The following GTPBP4 variants were observed in gnomAD, a reference collection of about 807,000 sequenced individuals.
GTPBP4 encodes the protein GTP binding protein 4.
In GTPBP4, 15 loss-of-function variants were observed where a neutral mutation model predicts 81.7. The ratio of observed to expected loss-of-function variants is 0.18; its 90% CI spans 0.12 to 0.28. The LOEUF is 0.28. GTPBP4 is among the 10% of genes least tolerant of loss of function. GTPBP4 has a pLI of 1.00. For synonymous variants in GTPBP4, 272 were observed against 274.6 expected (o/e 0.99, Z 0.09); for missense variants, 847 against 793.8 (o/e 1.07, Z -0.81).
In GTPBP4 at chr10:1,019,547, A is replaced by G. The variant is rs773751824; in HGVS notation, c.*2320A>G. 1.9e-6 allele frequency: 3 copies of G among 1,613,582 alleles called. No homozygotes were observed. Among genetic ancestry groups the G allele is most frequent in the Non-Finnish European group, 2.5e-6 (3 of 1,179,700 alleles). On this transcript the variant is annotated 3_prime_UTR_variant, in exon 17 of 17. Coordinates refer to ENST00000360803, the MANE Select transcript of GTPBP4 (RefSeq NM_012341.3). ...CTCTGTGTATTTTGTGAAGCTCCAC[A>G]AACGGGGTCACGTCATCCAGGTGAG... is the stretch of plus-strand genomic sequence containing the variant.
At chr10:997,400 T>A (rs1254668240) in intron 5 of GTPBP4, 92 bp downstream of exon 5, 3 of 800,792 alleles carry the variant, frequency 3.7e-6, no homozygotes, top group Non-Finnish European at 6.8e-6. Context: ...GATGGCCTTG[T>A]AGGTCAGTGT....
At chr10:1,006,771 G>A (rs916214886) in intron 9 of GTPBP4, among the ~76,000 whole-genome samples, 2 of 152,204 alleles carry the variant, frequency 1.3e-5, no homozygotes, top group African/African-American at 2.4e-5. Flanking sequence ...CCTCCGGTTC[G>A]TGAAGGGCAG....
chr10:1,007,100 T>G lies in GTPBP4; in HGVS notation c.1085T>G (p.Leu362Arg). ...KVNEVLNRLH[L>R]AIPTRRDDKE... is the part of the protein sequence containing the mutation. Reference sequence around the variant, plus strand: ...AATGAGGTGCTGAATAGACTGCACCTGGCTATCCCAACCAGGAGGGACGAT... The same window carrying G: ...AATGAGGTGCTGAATAGACTGCACCGGGCTATCCCAACCAGGAGGGACGAT... Residue 362 changes from leucine (L) to arginine (R), a missense_variant, in exon 10 of 17, where the codon CTG becomes CGG. Transcript: ENST00000360803. The G allele has an allele frequency of 6.2e-7, 1 of 1,608,064 alleles. No homozygotes were observed. The highest frequency in any genetic ancestry group is 8.5e-7 in the Non-Finnish European group (1 of 1,174,412).
intron 2 of GTPBP4, 106 bp downstream of exon 2, chr10:992,765 T>C: frequency 1.6e-6 from 1 of 639,302 alleles, no homozygotes; most frequent in Non-Finnish European, 2.7e-6. Flanking sequence ...AACAAAATAA[T>C]TGACTTAGGT....
In GTPBP4 at chr10:1,019,748, G is replaced by A. The variant is rs1484469917; in HGVS notation, c.*2521G>A. 13 of 1,613,968 alleles carry A rather than the reference G, an allele frequency of 8.1e-6. No homozygotes were observed. The highest frequency in any genetic ancestry group is 1.0e-5 in the Non-Finnish European group (12 of 1,179,982). On this transcript the variant is annotated 3_prime_UTR_variant, in exon 17 of 17. Coordinates refer to ENST00000360803, the MANE Select transcript of GTPBP4 (RefSeq NM_012341.3). ...TGACGTTTTTCCTCACAAGCAGAAG[G>A]TAACAAATTTCATGCTCTCCCCAAA...
intron 2 of GTPBP4, among the ~76,000 whole-genome samples, chr10:994,728 C>T (rs908435466): frequency 2.6e-5 from 4 of 152,156 alleles, no homozygotes; most frequent in Middle Eastern, 3.2e-3. Context: ...TAGGAGAGTT[C>T]AAATGTATTA....
chr10:1,007,260 C>T, intron 10 of GTPBP4, 132 bp downstream of exon 10: 1 of 611,932 alleles, frequency 1.6e-6, no homozygotes, highest in East Asian at 2.8e-5. Context: ...CTCAGTTTCA[C>T]CTTCTTGCTT....
rs1478484248 is a variant in GTPBP4 at position 1,007,119 on chromosome 10, G to A, written c.1104G>A (p.Arg368=). 3 of 1,570,736 alleles carry A rather than the reference G, an allele frequency of 1.9e-6. No homozygotes were observed. Among genetic ancestry groups the A allele is most frequent in the Admixed American group, 3.3e-5 (2 of 59,988 alleles). ...NRLHLAIPTR[R]DDKERPPFIP... is the part of the protein sequence containing the mutation. ...TGCACCTGGCTATCCCAACCAGGAG[G>A]GACGATAAGGTAAGACGGCCCCTGG... The change falls in exon 10 of 17, where the codon AGG becomes AGA. Residue 368 remains arginine, a synonymous_variant. Coordinates refer to ENST00000360803, the MANE Select transcript of GTPBP4 (RefSeq NM_012341.3).
At chr10:1,008,324 G>A in intron 10 of GTPBP4, 3 of 369,780 alleles carry the variant, frequency 8.1e-6, no homozygotes, top group Non-Finnish European at 1.1e-5. Context: ...AGAATCGTTT[G>A]AACCTGGGAG....
chr10:992,556 A>G lies in GTPBP4; in HGVS notation c.116A>G (p.Gln39Arg). The G allele has an allele frequency of 6.2e-7, 1 of 1,601,594 alleles. No individual in the cohort carries two copies. The highest frequency in any genetic ancestry group is 8.6e-7 in the Non-Finnish European group (1 of 1,168,664). The change falls in exon 2 of 17, where the codon CAA becomes CGA. Residue 39 changes from glutamine to arginine, a missense_variant. Around this residue, in one of 3 missense-constraint regions of GTPBP4, gnomAD observed 241 missense variants for 216.3 expected, o/e 1.11. Coordinates refer to ENST00000360803, the MANE Select transcript of GTPBP4 (RefSeq NM_012341.3). ...KTPTVIHKHY[Q>R]IHRIRHFYMR... Reference sequence around the variant, plus strand: ...CCAACCGTTATTCATAAACATTACCAAATACATCGCATTAGACATTTTTAC... The same window carrying G: ...CCAACCGTTATTCATAAACATTACCGAATACATCGCATTAGACATTTTTAC...
chr10:1,001,553 G>C (rs1831633070), intron 8 of GTPBP4, among the ~76,000 whole-genome samples: 1 of 152,192 alleles, frequency 6.6e-6, no homozygotes, highest in African/African-American at 2.4e-5. Context: ...TTAGAAGCGT[G>C]CACTGGTGGA....
chr10:995,635 T>A (rs1831524889), intron 2 of GTPBP4, among the ~76,000 whole-genome samples: 1 of 152,154 alleles, frequency 6.6e-6, no homozygotes. Flanking sequence ...TAGTGCTGAG[T>A]TCCTGAGCAA....
At chr10:990,475 C>T in intron 1 of GTPBP4, among the ~76,000 whole-genome samples, 1 of 152,122 alleles carries the variant, frequency 6.6e-6, no homozygotes. Context: ...GTAATCCCAG[C>T]ACTTTGGGAG....
intron 1 of GTPBP4, 199 bp downstream of exon 1, chr10:988,726 C>T (rs1054936630): frequency 1.7e-6 from 1 of 588,180 alleles, no homozygotes; most frequent in Admixed American, 3.0e-5. Context: ...GAGATCGGAT[C>T]CCCCAGAGAC....
rs764936049 is a variant in GTPBP4 at position 1,012,626 on chromosome 10, T to G, written c.1506T>G (p.Asn502Lys). The stretch of plus-strand genomic sequence containing the variant: ...AAATTCTGGAGTCCAAAGAAAAGAA[T>G]ACACAGGGACCCAGGATGCCGCGAA... Reference protein sequence around the residue: ...KLKILESKEKNTQGPRMPRTA... With the variant: ...KLKILESKEKKTQGPRMPRTA... Residue 502 changes from asparagine to lysine, a missense_variant, in exon 14 of 17, where the codon AAT becomes AAG. Physicochemically the swap from Asn to Lys is moderately conservative, Grantham distance 94. This residue lies in a region of GTPBP4 where 600 missense variants were observed against 557.1 expected (regional missense o/e 1.08). Coordinates refer to ENST00000360803, the MANE Select transcript of GTPBP4 (RefSeq NM_012341.3). 6.2e-7 allele frequency: 1 copy of G among 1,613,898 alleles called. No homozygotes were observed. The highest frequency in any genetic ancestry group is 2.2e-5 in the East Asian group (1 of 44,882).
intron 15 of GTPBP4, among the ~76,000 whole-genome samples, chr10:1,014,532 G>A (rs1474477580): frequency 6.6e-6 from 1 of 152,098 alleles, no homozygotes; most frequent in African/African-American, 2.4e-5. Flanking sequence ...GGTGGCGTGT[G>A]CCTGTAATCC....
chr10:1,008,270 G>A (rs530005525), intron 10 of GTPBP4: 72 of 393,216 alleles, frequency 1.8e-4, no homozygotes, highest in African/African-American at 1.1e-3. Flanking sequence ...AAAATTAGTC[G>A]GGCGCGCACC....
rs1473698154 is a variant in GTPBP4 at position 1,009,014 on chromosome 10, T to C, written c.1170T>C (p.Thr390=). 1 of 1,612,230 alleles carries C rather than the reference T, an allele frequency of 6.2e-7. No homozygotes were observed. The highest frequency in any genetic ancestry group is 2.2e-5 in the East Asian group (1 of 44,870). ...TGGCTCGCAGGAAGAGGATGGAAAC[T>C]GAGGAGTCCAGGAAGAAGAGGGTAT... ...GVVARRKRME[T]EESRKKRERD... is the part of the protein sequence containing the mutation. Residue 390 remains threonine, a synonymous_variant, in exon 11 of 17, where the codon ACT becomes ACC. Coordinates refer to ENST00000360803, the MANE Select transcript of GTPBP4 (RefSeq NM_012341.3).
Position 997,422 on chromosome 10 carries a change from T to C in GTPBP4, c.561+114T>C. 3 of 753,176 alleles carry C rather than the reference T, an allele frequency of 4.0e-6. No homozygotes were observed. The South Asian group carries it at 4.3e-5, about 11-fold the overall frequency. 46.7% of individuals were successfully genotyped at this position (753,176 alleles called of 1,614,324 possible). A position where few individuals can be genotyped will look rare whatever the true frequency, so the allele number is the denominator to read the frequency against. ...TTGTAGGTCAGTGTTAACTGTATTCTGACTGCGTGGGATTCAGGACGGCCT... is the reference window on the plus strand; with the variant it reads ...TTGTAGGTCAGTGTTAACTGTATTCCGACTGCGTGGGATTCAGGACGGCCT... On this transcript the variant is annotated intron_variant, in intron 5 of 16. Coordinates refer to ENST00000360803, the MANE Select transcript of GTPBP4 (RefSeq NM_012341.3).
Sources: gnomAD v4.1 joint callset for allele counts (sites outside exome capture counted in the v4.1 genomes callset) on GRCh38, gnomAD v4.1.1 for gene constraint, gnomAD v4.1.1 regional missense constraint, MANE v1.5 for transcripts, NCBI Gene and HGNC (gene_info 2026-07-23, HGNC 2026-07-21) for gene names.